Variants in TPRG1 observed in about 807,000 individuals in gnomAD.
TPRG1 encodes tumor protein p63-regulated gene 1 protein.
Under a neutral mutation model 29.3 loss-of-function variants are expected in TPRG1, and 29 were observed. The observed-to-expected ratio is 0.99, with a 90% CI of 0.74 to 1.35. TPRG1 has a LOEUF of 1.35. Among genes scored for constraint, TPRG1 ranks in the 40% most tolerant of loss-of-function variants. The pLI is 0.00. For missense variants in TPRG1, 327 were observed against 335.0 expected (o/e 0.98, Z 0.19); for synonymous variants, 130 against 116.8 (o/e 1.11, Z -0.73).
chr3:189,172,374 T>C (rs1728917867), intron 1 of TPRG1, among the ~76,000 whole-genome samples: 1 of 152,198 alleles, frequency 6.6e-6, no homozygotes, highest in Admixed American at 6.5e-5. Flanking sequence ...TATCTATATA[T>C]TGATTTTGAT....
At chr3:189,015,540 C>T (rs1712884342) in intron 3 of TPRG1, among the ~76,000 whole-genome samples, 1 of 152,202 alleles carries the variant, frequency 6.6e-6, no homozygotes, top group Non-Finnish European at 1.5e-5. Context: ...GCCCCCAGTG[C>T]ATGTCACAGA....
chr3:189,125,878 A>G (rs547824450), intron 1 of TPRG1, among the ~76,000 whole-genome samples: 2 of 139,350 alleles, frequency 1.4e-5, no homozygotes, highest in African/African-American at 2.7e-5. Context: ...TGTGTTTGGT[A>G]TATTTAGTTT....
At chr3:189,112,253 T>C (rs1048759718) in intron 1 of TPRG1, among the ~76,000 whole-genome samples, 5 of 152,304 alleles carry the variant, frequency 3.3e-5, no homozygotes, top group African/African-American at 1.2e-4. Context: ...TATTGGTCTA[T>C]AATTTTCTCT....
intron 1 of TPRG1, among the ~76,000 whole-genome samples, chr3:189,185,463 C>T (rs1026903344): frequency 2.0e-5 from 3 of 152,212 alleles, no homozygotes; most frequent in Middle Eastern, 3.4e-3. Flanking sequence ...TGGGCTCAAG[C>T]GATCCCCCAA....
intron 4 of TPRG1, among the ~76,000 whole-genome samples, chr3:189,267,225 A>G (rs181042568): frequency 6.6e-6 from 1 of 152,324 alleles, no homozygotes; most frequent in Admixed American, 6.5e-5. Context: ...TATACTCTAT[A>G]CCATATAGCC....
intron 4 of TPRG1, among the ~76,000 whole-genome samples, chr3:189,072,601 G>T (rs2152156450): frequency 6.6e-6 from 1 of 152,138 alleles, no homozygotes; most frequent in East Asian, 1.9e-4. Context: ...TAGATCACTT[G>T]GTTGCAAGTG....
chr3:189,248,571 TA>T, intron 4 of TPRG1, among the ~76,000 whole-genome samples: 1 of 151,164 alleles, frequency 6.6e-6, no homozygotes, highest in East Asian at 1.9e-4. Context: ...TTTTGTTAGA[TA>T]TATTAAGCTT....
At chr3:189,316,092 G>A (rs1338406987) in intron 5 of TPRG1, among the ~76,000 whole-genome samples, 2 of 152,172 alleles carry the variant, frequency 1.3e-5, no homozygotes, top group African/African-American at 4.8e-5. Context: ...GTTTAGCTAA[G>A]TTTAAAGTGC....
chr3:189,320,889 G>A lies in TPRG1; in HGVS notation c.*69G>A, dbSNP rs971796212. ...CTTTGAAAATTCCAGTTTGACCCAC[G>A]CTATTTTTGGACTGAAACAATTAAT... is the stretch of plus-strand genomic sequence containing the variant. On this transcript the variant is annotated 3_prime_UTR_variant, in exon 6 of 6. Transcript: ENST00000345063. 35 of 1,243,696 alleles carry A rather than the reference G, an allele frequency of 2.8e-5. No individual in the cohort carries two copies. Among genetic ancestry groups the A allele is most frequent in the Admixed American group, 6.4e-5 (2 of 31,042 alleles). 77.0% of individuals were successfully genotyped at this position (1,243,696 alleles called of 1,614,324 possible).
chr3:189,056,942 C>G (rs953242523), intron 4 of TPRG1, among the ~76,000 whole-genome samples: 4 of 152,206 alleles, frequency 2.6e-5, no homozygotes, highest in Admixed American at 1.3e-4. Flanking sequence ...TTTTTTTCCA[C>G]TGTACATCCA....
intron 4 of TPRG1, among the ~76,000 whole-genome samples, chr3:189,068,602 C>T (rs1716609806): frequency 6.6e-6 from 1 of 152,106 alleles, no homozygotes; most frequent in Admixed American, 6.5e-5. Flanking sequence ...TAGTGAAACC[C>T]CGTCTCTACT....
intron 3 of TPRG1, among the ~76,000 whole-genome samples, chr3:189,222,693 G>A (rs551868800): frequency 2.0e-4 from 30 of 152,266 alleles, no homozygotes; most frequent in African/African-American, 6.7e-4. Context: ...TAAGAATTTC[G>A]GTGGGTTCTC....
chr3:189,277,401 G>T (rs112047487), intron 4 of TPRG1, among the ~76,000 whole-genome samples: 21 of 152,282 alleles, frequency 1.4e-4, no homozygotes, highest in African/African-American at 5.1e-4. Flanking sequence ...GAGAGGAATT[G>T]ATTTGGGTGG....
chr3:189,156,200 T>C (rs1473389027), intron 5 of TPRG1, among the ~76,000 whole-genome samples: 2 of 152,154 alleles, frequency 1.3e-5, no homozygotes, highest in African/African-American at 4.8e-5. Flanking sequence ...GAAAAGGTGC[T>C]ATGCTTGCTT....
At chr3:189,238,601 G>C (rs1028658803) in intron 3 of TPRG1, 132 bp from the exon 4 acceptor site, 1 of 657,884 alleles carries the variant, frequency 1.5e-6, no homozygotes. Context: ...TGTGGTATTA[G>C]GTATTTCTCA....
chr3:189,219,519 A>G (rs370527756), intron 3 of TPRG1: 4 of 264,076 alleles, frequency 1.5e-5, no homozygotes, highest in African/African-American at 7.6e-5. Context: ...GGCCCTTCTG[A>G]AAAAAAAAAA....
chr3:189,009,277 T>C (rs1366608968), intron 3 of TPRG1, among the ~76,000 whole-genome samples: 3 of 152,016 alleles, frequency 2.0e-5, no homozygotes, highest in Non-Finnish European at 2.9e-5. Flanking sequence ...TGTGGAAGGA[T>C]TGTGGAAAAC....
intron 1 of TPRG1, among the ~76,000 whole-genome samples, chr3:189,204,596 G>A (rs558681108): frequency 1.5e-4 from 23 of 152,160 alleles, no homozygotes; most frequent in Non-Finnish European, 1.3e-4. Context: ...GTCTCAGAGC[G>A]CAGAGCTTCC....
intron 4 of TPRG1, among the ~76,000 whole-genome samples, chr3:189,025,029 C>T (rs710510): frequency 0.96 from 146,008 of 152,270 alleles, 70,286 homozygotes; most frequent in East Asian, 1. Flanking sequence ...CTGATGCTGC[C>T]TGGTCCCCTG....
Sources: gnomAD v4.1 joint callset for allele counts (sites outside exome capture counted in the v4.1 genomes callset) on GRCh38, gnomAD v4.1.1 for gene constraint, MANE v1.5 for transcripts, NCBI Gene and HGNC (gene_info 2026-07-23, HGNC 2026-07-21) for gene names.